The following IL7 variants were observed in gnomAD, a reference collection of about 807,000 sequenced individuals.
IL7 encodes the protein interleukin-7.
A neutral mutation model predicts 21.6 loss-of-function variants in IL7; 3 were observed. The observed-to-expected ratio is 0.14, with a 90% confidence interval of 0.06 to 0.36. The LOEUF (loss-of-function observed/expected upper bound fraction) is 0.36. Among genes scored for constraint, IL7 ranks in the 10% least tolerant of loss-of-function variants. The pLI, the probability that IL7 is intolerant of heterozygous loss-of-function variation, is 1.00. For missense variants in IL7, 175 were observed against 200.2 expected (o/e 0.87, Z 0.76); for synonymous variants, 62 against 68.1 (o/e 0.91, Z 0.44).
intron 1 of IL7, among the ~76,000 whole-genome samples, chr8:78,804,462 C>A (rs1318215704): frequency 6.6e-6 from 1 of 152,158 alleles, no homozygotes; most frequent in Admixed American, 6.5e-5. Context: ...CCCGTGGGAG[C>A]TTCGCTTTCA....
downstream of IL7, among the ~76,000 whole-genome samples, chr8:78,731,644 A>C (rs1308443295): frequency 1.3e-5 from 2 of 151,978 alleles, no homozygotes; most frequent in Non-Finnish European, 2.9e-5. Context: ...ATGTTTATTG[A>C]GATAAATCTC....
chr8:78,749,552 C>G (rs898884524), intron 2 of IL7, among the ~76,000 whole-genome samples: 2 of 152,126 alleles, frequency 1.3e-5, no homozygotes, highest in East Asian at 1.9e-4. Flanking sequence ...GCAGAAACCT[C>G]CATAGCAACC....
chr8:78,705,818 G>A (rs1195057458), intron 3 of IL7, among the ~76,000 whole-genome samples: 2 of 152,140 alleles, frequency 1.3e-5, no homozygotes, highest in Non-Finnish European at 2.9e-5. Context: ...TTCCAGTGAG[G>A]AGGGGCAATA....
chr8:78,779,421 A>G (rs905026312), intron 2 of IL7, among the ~76,000 whole-genome samples: 1 of 152,138 alleles, frequency 6.6e-6, no homozygotes, highest in African/African-American at 2.4e-5. Context: ...ATCAATATCT[A>G]GTTTATTGAG....
intron 2 of IL7, among the ~76,000 whole-genome samples, chr8:78,752,414 C>G (rs376171104): frequency 6.6e-6 from 1 of 152,188 alleles, no homozygotes; most frequent in Non-Finnish European, 1.5e-5. Flanking sequence ...GTTTCCTTTT[C>G]TCCACATCCT....
At chr8:78,761,605 C>T in intron 2 of IL7, 1 of 1,611,974 alleles carries the variant, frequency 6.2e-7, no homozygotes, top group African/African-American at 1.3e-5. Context: ...CAGGTAGGTG[C>T]TCTTCCCCTG....
In IL7 at chr8:78,805,147, T is replaced by A. The variant is rs967081870; in HGVS notation, c.-225A>T. ...CGGCGTGGCTCTGCGCTTTGCCTTT[T>A]CCATAACTTCCGTAGGATCCGCCAG... On this transcript the variant is annotated 5_prime_UTR_variant, in exon 1 of 6. Coordinates refer to ENST00000263851, the MANE Select transcript of IL7 (RefSeq NM_000880.4). The A allele has an allele frequency of 1.6e-5, 8 of 500,266 alleles. No individual in the cohort carries two copies. The highest frequency in any genetic ancestry group is 2.5e-5 in the Non-Finnish European group (7 of 276,522). The allele number at this position is 500,266 out of a possible 1,614,324, so 31.0% of individuals were successfully genotyped here.
At chr8:78,693,372 T>G (rs1810281772) in intron 3 of IL7, among the ~76,000 whole-genome samples, 1 of 152,152 alleles carries the variant, frequency 6.6e-6, no homozygotes, top group African/African-American at 2.4e-5. Flanking sequence ...TTCCTATTTC[T>G]CCACATCCTC....
At chr8:78,729,544 T>C (rs1040017104), downstream of IL7, among the ~76,000 whole-genome samples, 1 of 152,002 alleles carries the variant, frequency 6.6e-6, no homozygotes. Flanking sequence ...GTTAAGATTT[T>C]TCATGGCAAA....
downstream of IL7, among the ~76,000 whole-genome samples, chr8:78,730,371 A>G (rs1450140901): frequency 6.6e-6 from 1 of 152,008 alleles, no homozygotes; most frequent in Non-Finnish European, 1.5e-5. Context: ...ATAATTATCA[A>G]TACACCTACT....
At chr8:78,796,268 T>C (rs1440621516) in intron 2 of IL7, among the ~76,000 whole-genome samples, 1 of 151,990 alleles carries the variant, frequency 6.6e-6, no homozygotes, top group Non-Finnish European at 1.5e-5. Flanking sequence ...TGCTTTCCTA[T>C]GTACCAGCAA....
In IL7 at chr8:78,733,370, A is replaced by G. The variant is rs1811473597; in HGVS notation, c.*343T>C. 5.2e-6 allele frequency: 1 copy of G among 191,038 alleles called. No homozygotes were observed. The highest frequency in any genetic ancestry group is 1.1e-5 in the Non-Finnish European group (1 of 94,244). 11.8% of individuals were successfully genotyped at this position (191,038 alleles called of 1,614,324 possible). ...TTTTGAATCTTTGAAACCATTATAT[A>G]CTTCATAGATTTAATGTCTTGAAAT... On this transcript the variant is annotated 3_prime_UTR_variant, in exon 6 of 6. Coordinates refer to ENST00000263851, the MANE Select transcript of IL7 (RefSeq NM_000880.4).
chr8:78,760,767 C>G (rs1056627591), intron 2 of IL7: 1 of 1,535,868 alleles, frequency 6.5e-7, no homozygotes, highest in African/African-American at 1.4e-5. Flanking sequence ...CGGAATTTCC[C>G]AGGGAGTTTC....
intron 3 of IL7, 42 bp downstream of exon 3, chr8:78,739,960 A>G: frequency 6.8e-7 from 1 of 1,478,528 alleles, no homozygotes; most frequent in Non-Finnish European, 9.0e-7. Context: ...AAGCTTCTAT[A>G]AAATCAAGCT....
chr8:78,706,217 G>A (rs1416332367), intron 3 of IL7, among the ~76,000 whole-genome samples: 1 of 152,218 alleles, frequency 6.6e-6, no homozygotes, highest in African/African-American at 2.4e-5. Flanking sequence ...TTCCAAGCCA[G>A]TGGGTCTTAT....
At chr8:78,698,605 T>A in intron 3 of IL7, 1 of 954,068 alleles carries the variant, frequency 1.0e-6, no homozygotes. Context: ...TCATTCATCT[T>A]CATTTCCTAA....
chr8:78,800,699 T>C (rs1814024910), intron 1 of IL7, among the ~76,000 whole-genome samples: 2 of 148,900 alleles, frequency 1.3e-5, no homozygotes, highest in Non-Finnish European at 3.0e-5. Context: ...TTTGTATAGA[T>C]TGTATGAAAT....
intron 3 of IL7, chr8:78,686,746 G>T: frequency 1.1e-6 from 1 of 893,820 alleles, no homozygotes; most frequent in Non-Finnish European, 1.5e-6. Context: ...GGTGTAAAAT[G>T]GTGGTGGTAA....
chr8:78,706,233 G>T (rs2130582324), intron 3 of IL7, among the ~76,000 whole-genome samples: 1 of 152,278 alleles, frequency 6.6e-6, no homozygotes, highest in Non-Finnish European at 1.5e-5. Flanking sequence ...CTTATCCTGT[G>T]AGGTGTTATG....
Sources: gnomAD v4.1 joint callset for allele counts (sites outside exome capture counted in the v4.1 genomes callset) on GRCh38, gnomAD v4.1.1 for gene constraint, MANE v1.5 for transcripts, NCBI Gene and HGNC (gene_info 2026-07-23, HGNC 2026-07-21) for gene names.